Variants in RC3H2 observed in about 807,000 individuals in gnomAD.
The protein encoded by RC3H2 is ring finger and CCCH-type domains 2.
A neutral mutation model predicts 133.3 loss-of-function variants in RC3H2; 31 were observed. The ratio of observed to expected loss-of-function variants is 0.23; its 90% CI spans 0.17 to 0.31. The LOEUF is 0.31. Among genes scored for constraint, RC3H2 ranks in the 10% least tolerant of loss-of-function variants. The pLI is 1.00. For missense variants in RC3H2, 1,175 were observed against 1,437.2 expected (o/e 0.82, Z 2.95); for synonymous variants, 517 against 502.2 (o/e 1.03, Z -0.40).
chr9:122,865,088 C>T (rs80093421), intron 10 of RC3H2, among the ~76,000 whole-genome samples: 1,729 of 152,234 alleles, frequency 0.011, 27 homozygotes, highest in African/African-American at 0.039. Context: ...AAAAACAATT[C>T]TGGTCCAGTC....
chr9:122,849,713 T>C lies in RC3H2; in HGVS notation c.3490A>G (p.Asn1164Asp). ...ATAACATGAGTTTTCAGAATGAGGT[T>C]GCCAGCACTGACAGATGTGGTGATG... ...LPITTSVSAG[N>D]LILKTHVMSE... The change falls in exon 21 of 21, where the codon AAC becomes GAC. Residue 1164 changes from asparagine (N) to aspartate (D), a missense_variant. Asn to Asp is a conservative substitution (Grantham distance 23). Transcript: ENST00000357244. The C allele has an allele frequency of 2.5e-6, 4 of 1,612,164 alleles. No individual in the cohort carries two copies. Among genetic ancestry groups the C allele is most frequent in the Non-Finnish European group, 3.4e-6 (4 of 1,179,124 alleles).
rs1367022990 is a variant in RC3H2 at position 122,857,980 on chromosome 9, C to T, written c.2397G>A (p.Val799=). Reference sequence around the variant, plus strand: ...AAGGTGGTGTTGGTGACTGTGTTGCCACAGGAAGAGTTGAAGAGACAAGAG... The same window carrying T: ...AAGGTGGTGTTGGTGACTGTGTTGCTACAGGAAGAGTTGAAGAGACAAGAG... The part of the protein sequence containing the change: ...KAPLVSSTLP[V]ATQSPTPPSP... The change falls in exon 13 of 21, where the codon GTG becomes GTA. Residue 799 remains valine, a synonymous_variant. Transcript: ENST00000357244. 1 of 1,613,932 alleles carries T rather than the reference C, an allele frequency of 6.2e-7. No individual in the cohort carries two copies. Among genetic ancestry groups the T allele is most frequent in the African/African-American group, 1.3e-5 (1 of 74,914 alleles).
rs1376847407 is a variant in RC3H2 at position 122,848,572 on chromosome 9, G to C, written c.*1055C>G. ...TATCAACCTAACAGTCAAAAAACAAGAAAAACTAAACCCCAACATGAAGTA... is the reference window on the plus strand; with the variant it reads ...TATCAACCTAACAGTCAAAAAACAACAAAAACTAAACCCCAACATGAAGTA... On this transcript the variant is annotated 3_prime_UTR_variant, in exon 21 of 21. Coordinates refer to ENST00000357244, the MANE Select transcript of RC3H2 (RefSeq NM_001100588.3). 1 of 152,054 alleles carries C rather than the reference G, an allele frequency of 6.6e-6. No individual in the cohort carries two copies. The highest frequency in any genetic ancestry group is 1.5e-5 in the Non-Finnish European group (1 of 67,970). The allele number at this position is 152,054 out of a possible 1,614,324, so 9.4% of individuals were successfully genotyped here.
At chr9:122,883,522 C>T (rs1455324820) in intron 4 of RC3H2, 143 bp from the exon 5 acceptor site, 5 of 532,782 alleles carry the variant, frequency 9.4e-6, no homozygotes, top group Admixed American at 4.0e-5. Flanking sequence ...GGACATCACA[C>T]GTACATAATT....
In RC3H2 at chr9:122,847,075, G is replaced by A. The variant is rs1829886221; in HGVS notation, c.*2552C>T. ...GAGTTATTGTTTTATGGGATCACCT[G>A]CTGCAAGACAAGCATTATTTTAATA... is the stretch of plus-strand genomic sequence containing the variant. On this transcript the variant is annotated 3_prime_UTR_variant, in exon 21 of 21. Transcript: ENST00000357244. 1 of 152,104 alleles carries A rather than the reference G, an allele frequency of 6.6e-6. No individual in the cohort carries two copies. The highest frequency in any genetic ancestry group is 6.5e-5 in the Admixed American group (1 of 15,270). 9.4% of individuals were successfully genotyped at this position (152,104 alleles called of 1,614,324 possible).
intron 2 of RC3H2, among the ~76,000 whole-genome samples, chr9:122,896,134 A>C (rs1339973929): frequency 4.0e-5 from 6 of 151,896 alleles, no homozygotes; most frequent in South Asian, 2.1e-4. Context: ...AAAAAAAAAA[A>C]AAAACTTTAC....
intron 5 of RC3H2, among the ~76,000 whole-genome samples, chr9:122,882,801 A>G (rs1292035505): frequency 6.6e-6 from 1 of 152,230 alleles, no homozygotes; most frequent in Non-Finnish European, 1.5e-5. Context: ...AAAGGTGTTA[A>G]TCTAATCACT....
intron 9 of RC3H2, among the ~76,000 whole-genome samples, chr9:122,872,564 T>A (rs1463993239): frequency 6.6e-6 from 1 of 152,206 alleles, no homozygotes; most frequent in Admixed American, 6.5e-5. Context: ...ATTAGAAACA[T>A]CTTGAATAGT....
chr9:122,851,595 T>TG (rs1181962272), intron 18 of RC3H2, 159 bp from the exon 19 acceptor site: 2 of 916,356 alleles, frequency 2.2e-6, no homozygotes, highest in African/African-American at 3.3e-5. Context: ...GCAACCTCCC[T>TG]GCCTGATTCT....
At chr9:122,886,004 C>T (rs1831895634) in intron 4 of RC3H2, among the ~76,000 whole-genome samples, 1 of 152,228 alleles carries the variant, frequency 6.6e-6, no homozygotes, top group Non-Finnish European at 1.5e-5. Flanking sequence ...TCTTGTGCCT[C>T]AGCCTCCCGA....
chr9:122,873,384 T>G (rs1004376211), intron 9 of RC3H2, among the ~76,000 whole-genome samples: 1 of 152,144 alleles, frequency 6.6e-6, no homozygotes, highest in African/African-American at 2.4e-5. Context: ...TGAGTTTATG[T>G]TATCAGGTGT....
Position 122,877,670 on chromosome 9 carries a change from C to T in RC3H2, c.1213-87G>A, listed in dbSNP as rs74896876. ...TAGGAAGTTCAGAACTTTATAATTA[C>T]ACCTTTAATTCTTTTTCACATTAGA... On this transcript the variant is annotated intron_variant, in intron 8 of 20. Transcript: ENST00000357244. The T allele has an allele frequency of 1.5e-3, 1,379 of 926,274 alleles. 9 individuals carry two copies. The African/African-American group carries it at 0.021, about 14-fold the overall frequency. 57.4% of individuals were successfully genotyped at this position (926,274 alleles called of 1,614,324 possible). A position where few individuals can be genotyped will look rare whatever the true frequency, so the allele number is the denominator to read the frequency against.
intron 9 of RC3H2, among the ~76,000 whole-genome samples, chr9:122,865,960 G>A (rs974908165): frequency 4.6e-5 from 7 of 152,030 alleles, no homozygotes; most frequent in Admixed American, 1.3e-4. Flanking sequence ...CCTTTTGAGG[G>A]AGTGGAAAGA....
In RC3H2 at chr9:122,847,596, A is replaced by AT. The variant is rs1829897077; in HGVS notation, c.*2030dup. The AT allele has an allele frequency of 6.6e-6, 1 of 151,946 alleles. No individual in the cohort carries two copies. Among genetic ancestry groups the AT allele is most frequent in the Non-Finnish European group, 1.5e-5 (1 of 67,956 alleles). The allele number at this position is 151,946 out of a possible 1,614,324, so 9.4% of individuals were successfully genotyped here. ...CACATATTTATAGAAAGGTTCTGAT[A>AT]TAAATTATATAACAATCATGTTCCT... On this transcript the variant is annotated 3_prime_UTR_variant, in exon 21 of 21. Transcript: ENST00000357244.
At position 122,845,132 on chromosome 9, in the gene RC3H2, T is replaced by C. The variant is rs1321058920; in HGVS notation, c.*4495A>G. 1.3e-5 allele frequency: 2 copies of C among 152,252 alleles called. No homozygotes were observed. The highest frequency in any genetic ancestry group is 2.9e-5 in the Non-Finnish European group (2 of 68,040). 9.4% of individuals were successfully genotyped at this position (152,252 alleles called of 1,614,324 possible). A position where few individuals can be genotyped will look rare whatever the true frequency, so the allele number is the denominator to read the frequency against. On this transcript the variant is annotated 3_prime_UTR_variant, in exon 21 of 21. Coordinates refer to ENST00000357244, the MANE Select transcript of RC3H2 (RefSeq NM_001100588.3). The stretch of plus-strand genomic sequence containing the variant: ...TTCACACTAGAGCTTCACAATCGGT[T>C]GTACAATTGACAAACAGGCCTCTTT...
At position 122,877,457 on chromosome 9, in the gene RC3H2, T is replaced by A; in HGVS notation, c.1325+14A>T. ...AAAATTAAACCCATATGAAACAGAA[T>A]TCTCAACACTTACTTTTCAAGCTCT... On this transcript the variant is annotated intron_variant, in intron 9 of 20. Coordinates refer to ENST00000357244, the MANE Select transcript of RC3H2 (RefSeq NM_001100588.3). 1 of 1,597,536 alleles carries A rather than the reference T, an allele frequency of 6.3e-7. No individual in the cohort carries two copies. The highest frequency in any genetic ancestry group is 8.6e-7 in the Non-Finnish European group (1 of 1,165,236).
intron 9 of RC3H2, among the ~76,000 whole-genome samples, chr9:122,866,738 G>A (rs1259003934): frequency 2.0e-5 from 3 of 152,176 alleles, no homozygotes; most frequent in Non-Finnish European, 1.5e-5. Context: ...GTGCAGTGGT[G>A]TGATCTCAGC....
chr9:122,876,640 A>G (rs1211246750), intron 9 of RC3H2, among the ~76,000 whole-genome samples: 1 of 152,118 alleles, frequency 6.6e-6, no homozygotes, highest in African/African-American at 2.4e-5. Flanking sequence ...AAAAAAAAAA[A>G]AAGTTGATAC....
chr9:122,905,183 C>A lies in RC3H2; in HGVS notation c.-141G>T. 1.0e-6 allele frequency: 1 copy of A among 985,462 alleles called. No individual in the cohort carries two copies. The highest frequency in any genetic ancestry group is 1.2e-6 in the Non-Finnish European group (1 of 829,948). 61.0% of individuals were successfully genotyped at this position (985,462 alleles called of 1,614,324 possible). ...CGACGGCGCGGCTTGGCGACGGAGG[C>A]GCCTCGTCTCGCCGGGGCAGAGCTC... On this transcript the variant is annotated 5_prime_UTR_variant, in exon 1 of 21. Coordinates refer to ENST00000357244, the MANE Select transcript of RC3H2 (RefSeq NM_001100588.3).
Sources: allele counts gnomAD v4.1 joint callset (sites outside exome capture counted in the v4.1 genomes callset), GRCh38; gene constraint gnomAD v4.1.1; transcripts MANE v1.5; gene names NCBI Gene and HGNC (gene_info 2026-07-23, HGNC 2026-07-21).